GPC6: variants seen among roughly 807,000 people sequenced by gnomAD.
The protein encoded by GPC6 is glypican-6.
Under a neutral mutation model 55.2 loss-of-function variants are expected in GPC6, and 14 were observed. The observed-to-expected ratio is 0.25, with a 90% CI of 0.17 to 0.40. GPC6 has a LOEUF of 0.40. GPC6 is among the 10% of genes least tolerant of loss of function. GPC6 has a pLI of 1.00. For missense variants in GPC6, 641 were observed against 708.5 expected (o/e 0.90, Z 1.08); for synonymous variants, 278 against 259.6 (o/e 1.07, Z -0.68).
intron 4 of GPC6, among the ~76,000 whole-genome samples, chr13:94,255,159 C>T (rs1002511488): frequency 6.6e-6 from 1 of 152,276 alleles, no homozygotes; most frequent in East Asian, 1.9e-4. Context: ...AATAGGGAAG[C>T]AATTGATCCT....
At chr13:94,329,608 G>A (rs1199970996) in intron 6 of GPC6, among the ~76,000 whole-genome samples, 1 of 152,168 alleles carries the variant, frequency 6.6e-6, no homozygotes, top group African/African-American at 2.4e-5. Context: ...AACTGTGGTT[G>A]AACAATTGTG....
In GPC6 at chr13:93,493,762, G is replaced by A. The variant is rs1353851102; in HGVS notation, c.161-51501G>A. ...GGTTTCAAAGAACATCTTTATTTCT[G>A]CCTTCATTTCGTTATGTACCCAGTA... On this transcript the variant is annotated intron_variant, in intron 1 of 8. Coordinates refer to ENST00000377047, the MANE Select transcript of GPC6 (RefSeq NM_005708.5). Among the ~76,000 whole-genome samples the A allele has an allele frequency of 5.0e-5, 6 of 120,824 alleles. 1 individual carries two copies. The highest frequency in any genetic ancestry group is 1.8e-4 in the African/African-American group (6 of 32,728). The allele number at this position is 120,824 out of a possible 152,430, so 79.3% of individuals were successfully genotyped here.
chr13:93,588,426 A>G (rs1002281518), intron 2 of GPC6, among the ~76,000 whole-genome samples: 18 of 152,032 alleles, frequency 1.2e-4, no homozygotes, highest in Non-Finnish European at 2.5e-4. Flanking sequence ...TTTTATTTAC[A>G]TTTACTTTAC....
intron 4 of GPC6, among the ~76,000 whole-genome samples, chr13:94,240,519 T>G (rs1891024303): frequency 6.6e-6 from 1 of 152,116 alleles, no homozygotes; most frequent in Non-Finnish European, 1.5e-5. Context: ...ATTGAGTGCC[T>G]GCTTTTTGCC....
At chr13:94,341,897 A>G (rs1328193264) in intron 6 of GPC6, among the ~76,000 whole-genome samples, 1 of 152,234 alleles carries the variant, frequency 6.6e-6, no homozygotes, top group Non-Finnish European at 1.5e-5. Flanking sequence ...ACTGAGTCAA[A>G]GGTAAATAAG....
At chr13:94,059,697 G>A (rs180809168) in intron 4 of GPC6, among the ~76,000 whole-genome samples, 211 of 151,782 alleles carry the variant, frequency 1.4e-3, no homozygotes, top group Non-Finnish European at 2.2e-3. Context: ...GTGAAGGCCC[G>A]CTGCTTGCTT....
Position 93,893,326 on chromosome 13 carries a change from A to G in GPC6, c.711+62781A>G, listed in dbSNP as rs189649409. Among the ~76,000 whole-genome samples, 5 of 152,186 alleles carry G rather than the reference A, an allele frequency of 3.3e-5. No individual in the cohort carries two copies. The East Asian group carries it at 9.7e-4, about 29-fold the overall frequency. On this transcript the variant is annotated intron_variant, in intron 3 of 8. Coordinates refer to ENST00000377047, the MANE Select transcript of GPC6 (RefSeq NM_005708.5). Reference sequence around the variant, plus strand: ...CGCCTCGGCCTCCCAAGGTGATAGGATTTATAGGCATGATCCACCGCTCCC... The same window carrying G: ...CGCCTCGGCCTCCCAAGGTGATAGGGTTTATAGGCATGATCCACCGCTCCC...
At chr13:93,486,943 CAAA>C (rs11345084) in intron 1 of GPC6, among the ~76,000 whole-genome samples, 2 of 134,952 alleles carry the variant, frequency 1.5e-5, no homozygotes, top group African/African-American at 2.7e-5. Context: ...GACTCCATCT[CAAA>C]AAAAAAAAAA....
intron 2 of GPC6, among the ~76,000 whole-genome samples, chr13:93,621,611 C>T (rs1159814144): frequency 4.6e-5 from 7 of 151,872 alleles, no homozygotes; most frequent in Non-Finnish European, 1.0e-4. Context: ...TTGGAAAAAA[C>T]AATATAAGCA....
chr13:94,067,864 A>G (rs1266377644), intron 4 of GPC6, among the ~76,000 whole-genome samples: 1 of 152,222 alleles, frequency 6.6e-6, no homozygotes, highest in Admixed American at 6.5e-5. Context: ...TTAGCAAAAG[A>G]TAAGGATACT....
chr13:93,497,938 A>C (rs976726156), intron 1 of GPC6, among the ~76,000 whole-genome samples: 1 of 152,132 alleles, frequency 6.6e-6, no homozygotes, highest in Non-Finnish European at 1.5e-5. Flanking sequence ...AGTTAAACCT[A>C]TTGTCTCAGA....
At chr13:93,231,403 A>ATATATATATACATATATATATATATG (rs1876046540) in intron 1 of GPC6, among the ~76,000 whole-genome samples, 1 of 32,298 alleles carries the variant, frequency 3.1e-5, no homozygotes, top group Non-Finnish European at 5.8e-5. Context: ...ATATGTATAT[A>ATATATATATACATATATATATATATG]TATATATATA....
intron 4 of GPC6, among the ~76,000 whole-genome samples, chr13:94,039,560 G>A (rs1009379563): frequency 3.3e-5 from 5 of 151,918 alleles, no homozygotes; most frequent in African/African-American, 7.2e-5. Context: ...TCGGGGAATG[G>A]CAAATATGGA....
chr13:93,787,358 A>AGCAGC (rs1454109569), intron 2 of GPC6, among the ~76,000 whole-genome samples: 3 of 152,212 alleles, frequency 2.0e-5, no homozygotes, highest in African/African-American at 7.2e-5. Context: ...AAAGCATGAA[A>AGCAGC]GCAGCCACAG....
chr13:94,328,368 C>T (rs962833373), intron 6 of GPC6, among the ~76,000 whole-genome samples: 2 of 152,234 alleles, frequency 1.3e-5, no homozygotes, highest in African/African-American at 4.8e-5. Flanking sequence ...AATGACTACT[C>T]TTAATTAGAC....
chr13:93,342,917 C>T (rs971736028), intron 1 of GPC6, among the ~76,000 whole-genome samples: 2 of 152,120 alleles, frequency 1.3e-5, no homozygotes, highest in East Asian at 1.9e-4. Context: ...CTTGGAAGTA[C>T]AACCACACAG....
chr13:94,153,025 A>T (rs1309442351), intron 4 of GPC6, among the ~76,000 whole-genome samples: 2 of 152,164 alleles, frequency 1.3e-5, no homozygotes, highest in Non-Finnish European at 2.9e-5. Context: ...ATTACAAAGG[A>T]TTCTATGGGA....
chr13:94,080,621 G>A (rs573176441), intron 4 of GPC6, among the ~76,000 whole-genome samples: 1 of 152,188 alleles, frequency 6.6e-6, no homozygotes, highest in South Asian at 2.1e-4. Context: ...TCACAGTTCT[G>A]GAGGCTGGCA....
chr13:94,374,757 C>T (rs1221301586), intron 6 of GPC6, among the ~76,000 whole-genome samples: 71 of 140,584 alleles, frequency 5.1e-4, no homozygotes, highest in African/African-American at 1.9e-3. Flanking sequence ...ACAGAATATA[C>T]ATTTTTTTCA....
Sources: allele counts gnomAD v4.1 joint callset (sites outside exome capture counted in the v4.1 genomes callset), GRCh38; gene constraint gnomAD v4.1.1; transcripts MANE v1.5; gene names NCBI Gene and HGNC (gene_info 2026-07-23, HGNC 2026-07-21).